Variants in STX11 observed in about 807,000 individuals in gnomAD.
The protein encoded by STX11 is syntaxin 11.
Under a neutral mutation model 19.9 loss-of-function variants are expected in STX11, and 21 were observed. The observed-to-expected ratio is 1.06, with a 90% confidence interval of 0.75 to 1.52. The LOEUF (loss-of-function observed/expected upper bound fraction) is 1.52. STX11 is among the 40% of genes most tolerant of loss of function. The pLI is 0.00. For synonymous variants in STX11, 193 were observed against 174.4 expected, an observed-to-expected ratio of 1.11 and a Z score of -0.84; for missense variants, 438 against 405.9, an observed-to-expected ratio of 1.08 and a Z score of -0.68.
chr6:144,157,945 C>G (rs1048920509), intron 1 of STX11, among the ~76,000 whole-genome samples: 1 of 148,734 alleles, frequency 6.7e-6, no homozygotes, highest in South Asian at 2.1e-4. Flanking sequence ...TTATAACCTT[C>G]AGAATTACCA....
chr6:144,173,960 A>G (rs1193886204), intron 1 of STX11, among the ~76,000 whole-genome samples: 3 of 152,234 alleles, frequency 2.0e-5, no homozygotes, highest in Admixed American at 6.5e-5. Context: ...AGCTTATGCT[A>G]TGTAAGAAGC....
In STX11 at chr6:144,174,242, T is replaced by G. The variant is rs1453586581; in HGVS notation, c.-5-12381T>G. ...TTTCAAACCTCTGCTTGCATCATAT[T>G]TGCTAATGTCTCAATGGTCAAAGCA... On this transcript the variant is annotated intron_variant, in intron 1 of 1. Transcript: ENST00000367568. The surrounding 1 kb of genome is among the most constrained non-coding windows in gnomAD (Gnocchi z 5.3). Among the ~76,000 whole-genome samples the G allele has an allele frequency of 2.0e-5, 3 of 152,180 alleles. No individual in the cohort carries two copies. The highest frequency in any genetic ancestry group is 4.8e-5 in the African/African-American group (2 of 41,442).
At chr6:144,148,274 A>G (rs781310317), upstream of STX11, among the ~76,000 whole-genome samples, 3 of 152,178 alleles carry the variant, frequency 2.0e-5, no homozygotes, top group Non-Finnish European at 4.4e-5. Context: ...TATTTCTCCC[A>G]GAAGCCCAGC....
upstream of STX11, among the ~76,000 whole-genome samples, chr6:144,149,810 T>G (rs182961072): frequency 2.5e-3 from 374 of 152,276 alleles, no homozygotes; most frequent in African/African-American, 8.8e-3. The surrounding 1 kb of genome is among the most constrained non-coding windows in gnomAD (Gnocchi z 5.1). Context: ...CTTCCTTACT[T>G]TTCAGCCTCA....
At position 144,188,519 on chromosome 6, in the gene STX11, C is replaced by A. The variant is rs765087978; in HGVS notation, c.*1028C>A. ...ATGGCGGTAGAAAATGTATACGGAG[C>A]TAGAGACAACTAACATTCTTGGAAA... On this transcript the variant is annotated 3_prime_UTR_variant, in exon 2 of 2. Transcript: ENST00000367568. 7.2e-4 allele frequency: 160 copies of A among 222,814 alleles called. No individual in the cohort carries two copies. Among genetic ancestry groups the A allele is most frequent in the Non-Finnish European group, 9.6e-4 (98 of 102,484 alleles). The allele number at this position is 222,814 out of a possible 1,614,324, so 13.8% of individuals were successfully genotyped here.
rs1802102234 is a variant in STX11, at chr6:144,187,810, G to A, written c.*319G>A. On this transcript the variant is annotated 3_prime_UTR_variant, in exon 2 of 2. Coordinates refer to ENST00000367568, the MANE Select transcript of STX11 (RefSeq NM_003764.4). The surrounding 1 kb of genome is among the most constrained non-coding windows in gnomAD (Gnocchi z 5.6). The stretch of plus-strand genomic sequence containing the variant: ...AGTTGTATCTGACTGTAGGGTGAAT[G>A]TCTGAGGCCTGCCTCCTAATAAAGA... 2 of 471,002 alleles carry A rather than the reference G, an allele frequency of 4.2e-6. No individual in the cohort carries two copies. The highest frequency in any genetic ancestry group is 1.9e-5 in the African/African-American group (1 of 51,572). The allele number at this position is 471,002 out of a possible 1,614,324, so 29.2% of individuals were successfully genotyped here.
At position 144,154,192 on chromosome 6, in the gene STX11, T is replaced by G. The variant is rs1428657686; in HGVS notation, c.-6+3489T>G. 1.3e-5 allele frequency among the ~76,000 whole-genome samples: 2 copies of G among 152,210 alleles called. No individual in the cohort carries two copies. The highest frequency in any genetic ancestry group is 4.8e-5 in the African/African-American group (2 of 41,450). On this transcript the variant is annotated intron_variant, in intron 1 of 1. Transcript: ENST00000367568. This position sits in a 1 kb window ranked among gnomAD's most constrained non-coding sequence, Gnocchi z 4.7. ...TCTGAAGCACCCTGCTGTGATGTGCTGTCTTGATGAATGAATCAATGAGGT... is the reference window on the plus strand; with the variant it reads ...TCTGAAGCACCCTGCTGTGATGTGCGGTCTTGATGAATGAATCAATGAGGT...
Position 144,151,332 on chromosome 6 carries a change from C to G in STX11, c.-6+629C>G, listed in dbSNP as rs769418209. 1 of 985,440 alleles carries G rather than the reference C, an allele frequency of 1.0e-6. No homozygotes were observed. The highest frequency in any genetic ancestry group is 1.2e-6 in the Non-Finnish European group (1 of 829,932). 61.0% of individuals were successfully genotyped at this position (985,440 alleles called of 1,614,324 possible). On this transcript the variant is annotated intron_variant, in intron 1 of 1. Coordinates refer to ENST00000367568, the MANE Select transcript of STX11 (RefSeq NM_003764.4). This position sits in a 1 kb window ranked among gnomAD's most constrained non-coding sequence, Gnocchi z 4.6. ...AGACTCCGCTGACACCAGCTGAGAT[C>G]TGTATTACTTCCTGTGGTTCTCACG...
chr6:144,168,709 T>C (rs1185955894), intron 1 of STX11, among the ~76,000 whole-genome samples: 1 of 152,234 alleles, frequency 6.6e-6, no homozygotes, highest in Non-Finnish European at 1.5e-5. Flanking sequence ...TCATGTGTTC[T>C]AAACATTGGC....
rs1244976719 is a variant in STX11, at chr6:144,167,355, A to C, written c.-6+16652A>C. On this transcript the variant is annotated intron_variant, in intron 1 of 1. Coordinates refer to ENST00000367568, the MANE Select transcript of STX11 (RefSeq NM_003764.4). The surrounding 1 kb of genome is among the most constrained non-coding windows in gnomAD (Gnocchi z 5.0). The stretch of plus-strand genomic sequence containing the variant: ...GGAATATTTGCATATACATCATGAG[A>C]TATCTTGGGGATAAGACCCAAATCT... Among the ~76,000 whole-genome samples, 1 of 152,202 alleles carries C rather than the reference A, an allele frequency of 6.6e-6. No homozygotes were observed. Among genetic ancestry groups the C allele is most frequent in the East Asian group, 1.9e-4 (1 of 5,192 alleles).
At position 144,151,387 on chromosome 6, in the gene STX11, G is replaced by GA. The variant is rs1233238502; in HGVS notation, c.-6+685dup. On this transcript the variant is annotated intron_variant, in intron 1 of 1. Coordinates refer to ENST00000367568, the MANE Select transcript of STX11 (RefSeq NM_003764.4). This position sits in a 1 kb window ranked among gnomAD's most constrained non-coding sequence, Gnocchi z 4.6. ...TGTTTCAGCCGTTTCTCAGCAGAGG[G>GA]AGGAGCTGTTATTTACAGGTATCCA... 2.4e-5 allele frequency: 24 copies of GA among 985,304 alleles called. No individual in the cohort carries two copies. Among genetic ancestry groups the GA allele is most frequent in the Non-Finnish European group, 2.4e-5 (20 of 829,940 alleles). The allele number at this position is 985,304 out of a possible 1,614,324, so 61.0% of individuals were successfully genotyped here.
At chr6:144,140,764 G>A in the STX11 span, 1 of 985,244 alleles carries the variant, frequency 1.0e-6, no homozygotes, top group African/African-American at 1.7e-5. Context: ...GGATGAAATG[G>A]ATGAAGGGGA....
rs113775167 is a variant in STX11, at chr6:144,175,119, A to G, written c.-5-11504A>G. 0.011 allele frequency among the ~76,000 whole-genome samples: 1,749 copies of G among 152,216 alleles called. 36 individuals are homozygous for G. Among genetic ancestry groups the G allele is most frequent in the East Asian group, 0.081 (418 of 5,174 alleles). Reference sequence around the variant, plus strand: ...CCAGACATTAGCTGAGCATGGTGACACATGCCTGTAGTTTCAGCTACTCAG... The same window carrying G: ...CCAGACATTAGCTGAGCATGGTGACGCATGCCTGTAGTTTCAGCTACTCAG... On this transcript the variant is annotated intron_variant, in intron 1 of 1. Transcript: ENST00000367568. The surrounding 1 kb of genome is among the most constrained non-coding windows in gnomAD (Gnocchi z 5.1).
chr6:144,173,686 T>C (rs767695991), intron 1 of STX11, among the ~76,000 whole-genome samples: 2 of 152,204 alleles, frequency 1.3e-5, no homozygotes, highest in African/African-American at 2.4e-5. Context: ...ATACCAACAT[T>C]TTCAGCCTTT....
chr6:144,141,605 T>C, the STX11 span, among the ~76,000 whole-genome samples: 1 of 152,202 alleles, frequency 6.6e-6, no homozygotes, highest in Non-Finnish European at 1.5e-5. Context: ...TTTGTGCAGA[T>C]AACAAGATGA....
At chr6:144,171,071 G>T (rs1284912964) in intron 1 of STX11, among the ~76,000 whole-genome samples, 1 of 152,180 alleles carries the variant, frequency 6.6e-6, no homozygotes, top group Non-Finnish European at 1.5e-5. Flanking sequence ...GTTCAGAATT[G>T]CCCTAACTGC....
Position 144,165,892 on chromosome 6 carries a change from T to C in STX11, c.-6+15189T>C. ...GAGGTAAGTAGAGTTATTACCATTT[T>C]ACAGATGAGGAAATGACAGATGTTA... On this transcript the variant is annotated intron_variant, in intron 1 of 1. Coordinates refer to ENST00000367568, the MANE Select transcript of STX11 (RefSeq NM_003764.4). This position sits in a 1 kb window ranked among gnomAD's most constrained non-coding sequence, Gnocchi z 5.8. Among the ~76,000 whole-genome samples the C allele has an allele frequency of 6.6e-6, 1 of 152,232 alleles. No homozygotes were observed. The highest frequency in any genetic ancestry group is 1.9e-4 in the East Asian group (1 of 5,204).
At chr6:144,173,774 G>C (rs554619408) in intron 1 of STX11, among the ~76,000 whole-genome samples, 1 of 152,186 alleles carries the variant, frequency 6.6e-6, no homozygotes, top group Non-Finnish European at 1.5e-5. Context: ...GACTGCTCTC[G>C]CAGTTTCCTC....
At position 144,174,465 on chromosome 6, in the gene STX11, GT is replaced by G. The variant is rs1196949923; in HGVS notation, c.-5-12156del. ...GCTTACTGCAACCTCTGCATCCCAG[GT>G]TCAAGCGATCTTCCAGCCTTAGCCT... is the stretch of plus-strand genomic sequence containing the variant. On this transcript the variant is annotated intron_variant, in intron 1 of 1. Transcript: ENST00000367568. This position sits in a 1 kb window ranked among gnomAD's most constrained non-coding sequence, Gnocchi z 5.3. Among the ~76,000 whole-genome samples, 1 of 152,112 alleles carries G rather than the reference GT, an allele frequency of 6.6e-6. No homozygotes were observed. The highest frequency in any genetic ancestry group is 1.5e-5 in the Non-Finnish European group (1 of 68,022).
Sources: gnomAD v4.1 joint callset for allele counts (sites outside exome capture counted in the v4.1 genomes callset) on GRCh38, gnomAD v4.1.1 for gene constraint, Gnocchi (gnomAD v3.1) non-coding constraint, MANE v1.5 for transcripts, NCBI Gene and HGNC (gene_info 2026-07-23, HGNC 2026-07-21) for gene names.